Variants in ZNF83 observed in about 807,000 individuals in gnomAD.
ZNF83 encodes the protein zinc finger protein 816B.
For missense variants in ZNF83, 552 were observed against 629.9 expected, an observed-to-expected ratio of 0.88 and a Z score of 1.32; for synonymous variants, 209 against 213.0, an observed-to-expected ratio of 0.98 and a Z score of 0.17.
intron 2 of ZNF83, among the ~76,000 whole-genome samples, chr19:52,627,085 C>G (rs2060768197): frequency 6.6e-6 from 1 of 152,120 alleles, no homozygotes; most frequent in African/African-American, 2.4e-5. Flanking sequence ...GACAATGAGT[C>G]TTATGATCTC....
At position 52,628,939 on chromosome 19, in the gene ZNF83, C is replaced by T. The variant is rs112212867; in HGVS notation, c.-234+6127G>A. 5.0e-3 allele frequency among the ~76,000 whole-genome samples: 762 copies of T among 152,062 alleles called. 5 individuals are homozygous for T. Among genetic ancestry groups the T allele is most frequent in the Non-Finnish European group, 6.9e-3 (469 of 67,992 alleles). On this transcript the variant is annotated intron_variant, in intron 2 of 2. Coordinates refer to ENST00000301096, the Ensembl canonical transcript of ZNF83. Reference sequence around the variant, plus strand: ...TGACCTCATATCTCTGTGCCCCAACCGCTTTCCCACTTTTCTGGAGGTAAG... The same window carrying T: ...TGACCTCATATCTCTGTGCCCCAACTGCTTTCCCACTTTTCTGGAGGTAAG...
chr19:52,626,789 G>A (rs1436930020), intron 2 of ZNF83, among the ~76,000 whole-genome samples: 3 of 152,004 alleles, frequency 2.0e-5, no homozygotes, highest in African/African-American at 7.3e-5. Context: ...AAGCAACCCT[G>A]AGAAACATCA....
intron 2 of ZNF83, among the ~76,000 whole-genome samples, chr19:52,621,916 C>G (rs2060563464): frequency 6.6e-6 from 1 of 152,090 alleles, no homozygotes; most frequent in African/African-American, 2.4e-5. Flanking sequence ...CACTTCCTCC[C>G]TAGCTTCTGG....
rs139416131 is a variant in ZNF83, at chr19:52,654,646, G to A, written c.-74+915C>T. On this transcript the variant is annotated intron_variant, in intron 3 of 5. Coordinates refer to the ZNF83 transcript ENST00000594682. ...GCAGGAGAATTTCTTGAACCTAGGA[G>A]GCAGAGATTGCAGTGAACAGAGATC... 3.1e-3 allele frequency among the ~76,000 whole-genome samples: 477 copies of A among 152,228 alleles called. 4 individuals are homozygous for A. The highest frequency in any genetic ancestry group is 0.011 in the African/African-American group (461 of 41,534).
At chr19:52,622,449 A>G (rs2147106364) in intron 2 of ZNF83, among the ~76,000 whole-genome samples, 1 of 152,222 alleles carries the variant, frequency 6.6e-6, no homozygotes, top group East Asian at 1.9e-4. Flanking sequence ...CCAGTCCCAC[A>G]CTGACACCTG....
intron 1 of ZNF83, among the ~76,000 whole-genome samples, chr19:52,670,416 G>A (rs1568575150): frequency 6.6e-6 from 1 of 152,126 alleles, no homozygotes; most frequent in African/African-American, 2.4e-5. Context: ...CCCCTCCCTT[G>A]TTCAGGTACG....
intron 3 of ZNF83, chr19:52,655,271 A>G: frequency 3.1e-6 from 1 of 320,674 alleles, no homozygotes; most frequent in Non-Finnish European, 5.6e-6. Context: ...CTCCTGGGCC[A>G]CCCTGACAAT....
Position 52,671,657 on chromosome 19 carries a change from A to G in ZNF83, c.-282-10814T>C, listed in dbSNP as rs139348868. Reference sequence around the variant, plus strand: ...GTGGTCCCACTATGATGCTCAGGCTAGCCTTCAACTCCTGGACTCAAGCGA... The same window carrying G: ...GTGGTCCCACTATGATGCTCAGGCTGGCCTTCAACTCCTGGACTCAAGCGA... On this transcript the variant is annotated intron_variant, in intron 1 of 5. Transcript: ENST00000594682. Among the ~76,000 whole-genome samples, 127 of 152,246 alleles carry G rather than the reference A, an allele frequency of 8.3e-4. 4 individuals are homozygous for G. In the East Asian group the frequency reaches 0.023, roughly 28 times the overall value.
intron 2 of ZNF83, among the ~76,000 whole-genome samples, chr19:52,627,061 G>A (rs533527904): frequency 6.6e-6 from 1 of 152,118 alleles, no homozygotes; most frequent in East Asian, 1.9e-4. Context: ...GATCGACCTT[G>A]AGAAATTCTT....
intron 3 of ZNF83, among the ~76,000 whole-genome samples, chr19:52,645,811 C>A (rs77901128): frequency 9.2e-5 from 13 of 141,374 alleles, no homozygotes; most frequent in African/African-American, 3.1e-4. Flanking sequence ...TGCCCCCCCC[C>A]AAAAAAAGGA....
intron 2 of ZNF83, chr19:52,616,646 C>G (rs1460222877): frequency 6.6e-6 from 1 of 152,102 alleles, no homozygotes; most frequent in Non-Finnish European, 1.5e-5. Context: ...GAGTTGGAGA[C>G]CAGCCTGATC....
chr19:52,689,406 A>G (rs78065631), intron 1 of ZNF83, among the ~76,000 whole-genome samples: 20,681 of 144,402 alleles, frequency 0.14, 1,628 homozygotes, highest in African/African-American at 0.24. Context: ...CCCACTCTCT[A>G]GCACTCCAGA....
At chr19:52,684,355 G>T (rs1292660244) in intron 1 of ZNF83, among the ~76,000 whole-genome samples, 1 of 151,762 alleles carries the variant, frequency 6.6e-6, no homozygotes, top group African/African-American at 2.4e-5. Context: ...GACAGAGTGA[G>T]ACTCAAAAAT....
intron 1 of ZNF83, among the ~76,000 whole-genome samples, chr19:52,668,159 A>T (rs1163251039): frequency 6.6e-6 from 1 of 152,172 alleles, no homozygotes; most frequent in African/African-American, 2.4e-5. Flanking sequence ...GTACATCAGC[A>T]TCGGCCTGGG....
chr19:52,612,610 AATT>A lies in ZNF83; in HGVS notation c.*401_*403del, dbSNP rs371761063. On this transcript the variant is annotated 3_prime_UTR_variant, in exon 3 of 3. Coordinates refer to ENST00000301096, the Ensembl canonical transcript of ZNF83. Reference sequence around the variant, plus strand: ...CCTGCGGAAAATCTCTATCACATATAATTATTATAAATGCTCTTTAGTATGGAT... The same window carrying A: ...CCTGCGGAAAATCTCTATCACATATAATTATAAATGCTCTTTAGTATGGAT... 392 of 175,672 alleles carry A rather than the reference AATT, an allele frequency of 2.2e-3. 1 individual carries two copies. The highest frequency in any genetic ancestry group is 9.0e-3 in the African/African-American group (381 of 42,190). The allele number at this position is 175,672 out of a possible 1,614,324, so 10.9% of individuals were successfully genotyped here.
intron 3 of ZNF83, among the ~76,000 whole-genome samples, chr19:52,644,313 T>C (rs1373868637): frequency 6.6e-6 from 1 of 151,946 alleles, no homozygotes; most frequent in African/African-American, 2.4e-5. Context: ...GGGGCCAGGG[T>C]CACTCAGGTT....
intron 1 of ZNF83, among the ~76,000 whole-genome samples, chr19:52,677,533 T>C (rs1437340705): frequency 6.6e-6 from 1 of 151,418 alleles, no homozygotes; most frequent in African/African-American, 2.4e-5. Flanking sequence ...AGTATGGCGG[T>C]CTGAGGTAAA....
chr19:52,653,900 G>A (rs1379745961), intron 3 of ZNF83, among the ~76,000 whole-genome samples: 2 of 152,164 alleles, frequency 1.3e-5, no homozygotes, highest in African/African-American at 4.8e-5. Context: ...TCATTACATT[G>A]GAAAGGTTTT....
At chr19:52,628,998 C>G (rs11669701) in intron 2 of ZNF83, among the ~76,000 whole-genome samples, 29,015 of 151,760 alleles carry the variant, frequency 0.19, 2,878 homozygotes, top group Middle Eastern at 0.24. Flanking sequence ...TGTCTCTACT[C>G]TCTTTTCTCT....
Sources: gnomAD v4.1 joint callset for allele counts (sites outside exome capture counted in the v4.1 genomes callset) on GRCh38, gnomAD v4.1.1 for gene constraint, MANE v1.5 for transcripts, NCBI Gene and HGNC (gene_info 2026-07-23, HGNC 2026-07-21) for gene names.